FAM107A: variants seen among roughly 807,000 people sequenced by gnomAD.
FAM107A encodes actin-associated protein FAM107A.
FAM107A carries 19 observed loss-of-function variants against 13.7 expected under a neutral mutation model. The observed-to-expected ratio is 1.38, with a 90% CI of 0.97 to 2.03. The LOEUF (loss-of-function observed/expected upper bound fraction) is 2.03, where lower values mean the gene tolerates loss of function less well. Among genes scored for constraint, FAM107A ranks in the 30% most tolerant of loss-of-function variants. The probability of loss-of-function intolerance (pLI) is 0.00; values close to 1 mark genes in which losing one functional copy is unlikely to be tolerated. For synonymous variants in FAM107A, 82 were observed against 74.5 expected, an observed-to-expected ratio of 1.10 and a Z score of -0.52; for missense variants, 203 against 184.4, an observed-to-expected ratio of 1.10 and a Z score of -0.58.
intron 1 of FAM107A, among the ~76,000 whole-genome samples, chr3:58,612,386 C>A (rs546355612): frequency 6.6e-6 from 1 of 152,066 alleles, no homozygotes; most frequent in South Asian, 2.1e-4. Context: ...TGGAGACGAG[C>A]CTAGGCAACA....
At chr3:58,601,756 A>G (rs2065753853) in intron 1 of FAM107A, among the ~76,000 whole-genome samples, 1 of 152,190 alleles carries the variant, frequency 6.6e-6, no homozygotes, top group Non-Finnish European at 1.5e-5. Flanking sequence ...AAAGTACTGG[A>G]TTTTAAAGGA....
In FAM107A at chr3:58,604,571, C is replaced by T. The variant is rs1460632133; in HGVS notation, c.-69-15302G>A. Among the ~76,000 whole-genome samples, 1 of 152,150 alleles carries T rather than the reference C, an allele frequency of 6.6e-6. No homozygotes were observed. Among genetic ancestry groups the T allele is most frequent in the African/African-American group, 2.4e-5 (1 of 41,418 alleles). On this transcript the variant is annotated intron_variant, in intron 1 of 3. Transcript: ENST00000465970. The surrounding 1 kb of genome is among the most constrained non-coding windows in gnomAD (Gnocchi z 4.1). ...GTGACAGCCTCACCCACTCCCTGGGCCCCATAAGATCAATCAGCGGGACCT... is the reference window on the plus strand; with the variant it reads ...GTGACAGCCTCACCCACTCCCTGGGTCCCATAAGATCAATCAGCGGGACCT...
At chr3:58,571,652 T>G (rs1456253761) in intron 1 of FAM107A, among the ~76,000 whole-genome samples, 1 of 152,206 alleles carries the variant, frequency 6.6e-6, no homozygotes, top group Admixed American at 6.5e-5. Flanking sequence ...GGTGCTTACG[T>G]ATTAGAACAC....
chr3:58,593,898 A>G (rs2065676373), intron 1 of FAM107A, among the ~76,000 whole-genome samples: 1 of 152,168 alleles, frequency 6.6e-6, no homozygotes, highest in East Asian at 1.9e-4. Context: ...CTGCCCAGAC[A>G]TTTCGCACCA....
intron 1 of FAM107A, among the ~76,000 whole-genome samples, chr3:58,618,351 T>C (rs1244484032): frequency 6.6e-6 from 1 of 152,226 alleles, no homozygotes; most frequent in Non-Finnish European, 1.5e-5. Flanking sequence ...CATGAGGCCC[T>C]GGCTCTGCAC....
intron 1 of FAM107A, among the ~76,000 whole-genome samples, chr3:58,584,237 T>C (rs1335455460): frequency 6.6e-6 from 1 of 152,142 alleles, no homozygotes; most frequent in Non-Finnish European, 1.5e-5. Flanking sequence ...ATGTTTCCAA[T>C]AGGGGTTTCC....
At chr3:58,568,442 A>T (rs994552253) in intron 2 of FAM107A, among the ~76,000 whole-genome samples, 28 of 152,180 alleles carry the variant, frequency 1.8e-4, no homozygotes, top group Admixed American at 3.3e-4. Context: ...CTCAAACAAA[A>T]AAAAAGAAAA....
chr3:58,572,415 G>A (rs1174766627), intron 1 of FAM107A, among the ~76,000 whole-genome samples: 3 of 152,168 alleles, frequency 2.0e-5, no homozygotes, highest in Non-Finnish European at 4.4e-5. Flanking sequence ...CTCTGAGGAG[G>A]CGACATTAAG....
upstream of FAM107A, among the ~76,000 whole-genome samples, chr3:58,581,235 C>T (rs2065538544): frequency 6.6e-6 from 1 of 152,212 alleles, no homozygotes; most frequent in African/African-American, 2.4e-5. Flanking sequence ...TCTTCCCTCC[C>T]ATCCCCTTTT....
intron 1 of FAM107A, among the ~76,000 whole-genome samples, chr3:58,597,743 A>G (rs2065720062): frequency 6.6e-6 from 1 of 152,238 alleles, no homozygotes; most frequent in African/African-American, 2.4e-5. Flanking sequence ...CTCTGAGATT[A>G]GGGAAGAGTG....
intron 1 of FAM107A, among the ~76,000 whole-genome samples, chr3:58,626,385 G>A (rs1486250499): frequency 6.6e-6 from 1 of 152,212 alleles, no homozygotes; most frequent in Non-Finnish European, 1.5e-5. Flanking sequence ...AGGCTTAGAA[G>A]GTGAGGGATA....
At chr3:58,583,236 G>A (rs961054723) in intron 1 of FAM107A, among the ~76,000 whole-genome samples, 17 of 152,254 alleles carry the variant, frequency 1.1e-4, no homozygotes, top group African/African-American at 2.9e-4. Flanking sequence ...ATGTGTGGCC[G>A]CCCGTGGTTA....
chr3:58,579,798 A>G (rs1268774605), upstream of FAM107A, among the ~76,000 whole-genome samples: 6 of 152,186 alleles, frequency 3.9e-5, no homozygotes, highest in East Asian at 1.2e-3. Flanking sequence ...AGAACTGGGC[A>G]GTAGTCCTCG....
upstream of FAM107A, among the ~76,000 whole-genome samples, chr3:58,579,812 G>A (rs143566222): frequency 6.6e-6 from 1 of 152,214 alleles, no homozygotes; most frequent in Admixed American, 6.5e-5. Flanking sequence ...GTCCTCGGAT[G>A]TTGGGCGTCA....
chr3:58,572,198 G>A (rs1047856566), intron 1 of FAM107A, among the ~76,000 whole-genome samples: 6 of 152,116 alleles, frequency 3.9e-5, no homozygotes, highest in African/African-American at 1.4e-4. Context: ...TCGAGTTCCT[G>A]TGATTTTCCT....
intron 1 of FAM107A, among the ~76,000 whole-genome samples, chr3:58,601,286 A>G (rs2065750744): frequency 6.6e-6 from 1 of 151,984 alleles, no homozygotes; most frequent in Non-Finnish European, 1.5e-5. Flanking sequence ...CCTCCCAGAA[A>G]AAACTGATGT....
At chr3:58,600,595 A>G (rs1337999610) in intron 1 of FAM107A, among the ~76,000 whole-genome samples, 1 of 152,236 alleles carries the variant, frequency 6.6e-6, no homozygotes, top group Non-Finnish European at 1.5e-5. Flanking sequence ...ATTCGATAGA[A>G]TGTTCTGAGA....
chr3:58,592,552 G>A (rs2065662387), intron 1 of FAM107A, among the ~76,000 whole-genome samples: 2 of 152,200 alleles, frequency 1.3e-5, no homozygotes, highest in South Asian at 4.1e-4. Flanking sequence ...TAATTCCTCG[G>A]TTTGGCCTTC....
intron 1 of FAM107A, among the ~76,000 whole-genome samples, chr3:58,616,568 C>CACACA (rs779144137): frequency 2.2e-5 from 3 of 137,100 alleles, no homozygotes; most frequent in African/African-American, 5.4e-5. Flanking sequence ...CACACACACA[C>CACACA]CACCACTACC....
Sources: gnomAD v4.1 joint callset for allele counts (sites outside exome capture counted in the v4.1 genomes callset) on GRCh38, gnomAD v4.1.1 for gene constraint, Gnocchi (gnomAD v3.1) non-coding constraint, MANE v1.5 for transcripts, NCBI Gene and HGNC (gene_info 2026-07-23, HGNC 2026-07-21) for gene names.